Variants in MACROD2 observed in about 807,000 individuals in gnomAD.
MACROD2 encodes mono-ADP ribosylhydrolase 2, also known as ADP-ribose glycohydrolase MACROD2.
In MACROD2, 36 loss-of-function variants were observed where a neutral mutation model predicts 70.4. The ratio of observed to expected loss-of-function variants is 0.51; its 90% CI spans 0.39 to 0.68. MACROD2 has a LOEUF of 0.68. MACROD2 is among the 30% of genes least tolerant of loss of function. The pLI, the probability that MACROD2 is intolerant of heterozygous loss-of-function variation, is 0.00. For synonymous variants in MACROD2, 172 were observed against 178.8 expected, an observed-to-expected ratio of 0.96 and a Z score of 0.30; for missense variants, 496 against 538.4, an observed-to-expected ratio of 0.92 and a Z score of 0.78.
intron 7 of MACROD2, among the ~76,000 whole-genome samples, chr20:15,497,384 G>A (rs183526958): frequency 2.1e-4 from 32 of 151,676 alleles, no homozygotes; most frequent in East Asian, 5.8e-4. Flanking sequence ...CCTCTGCCTC[G>A]CAGGTTCAAG....
chr20:15,511,795 A>T (rs1172224558), intron 8 of MACROD2, among the ~76,000 whole-genome samples: 1 of 152,190 alleles, frequency 6.6e-6, no homozygotes, highest in Non-Finnish European at 1.5e-5. Context: ...ATTCTTGGAG[A>T]TGTGACAATC....
At chr20:15,579,435 A>G (rs966385431) in intron 8 of MACROD2, among the ~76,000 whole-genome samples, 3 of 152,192 alleles carry the variant, frequency 2.0e-5, no homozygotes, top group Non-Finnish European at 4.4e-5. Context: ...TAGGTATTTA[A>G]TTTACTTGTT....
chr20:15,649,108 C>A (rs2049601192), intron 8 of MACROD2, among the ~76,000 whole-genome samples: 1 of 105,622 alleles, frequency 9.5e-6, no homozygotes, highest in Non-Finnish European at 1.9e-5. Flanking sequence ...CTCCCCTCCC[C>A]TTCCCTCCCC....
rs574711300 is a variant in MACROD2, at chr20:15,972,745, G to T, written c.985+5115G>T. 3.1e-3 allele frequency among the ~76,000 whole-genome samples: 467 copies of T among 152,186 alleles called. 2 individuals carry two copies. The highest frequency in any genetic ancestry group is 5.2e-3 in the Non-Finnish European group (352 of 68,006). On this transcript the variant is annotated intron_variant, in intron 13 of 17. Coordinates refer to ENST00000684519, the MANE Select transcript of MACROD2 (RefSeq NM_001351661.2). ...GAATCACTTGAATCCAGGAGGCAGA[G>T]GTTGCAATGAGCCTCCTGAGCTGAG...
At chr20:15,016,371 C>A (rs1020583170) in intron 5 of MACROD2, among the ~76,000 whole-genome samples, 3 of 152,124 alleles carry the variant, frequency 2.0e-5, no homozygotes, top group African/African-American at 7.2e-5. Flanking sequence ...ACTCTCCTTT[C>A]CTGTTCTGAG....
At chr20:15,000,673 A>G (rs2074988220) in intron 5 of MACROD2, among the ~76,000 whole-genome samples, 1 of 149,882 alleles carries the variant, frequency 6.7e-6, no homozygotes, top group Middle Eastern at 3.5e-3. Flanking sequence ...AGGTAGAAAC[A>G]TGGAAATGTT....
chr20:15,216,391 T>C (rs2076810426), intron 5 of MACROD2, among the ~76,000 whole-genome samples: 1 of 151,778 alleles, frequency 6.6e-6, no homozygotes, highest in African/African-American at 2.4e-5. Context: ...CAAGGATAAA[T>C]AGGAAGTTGA....
intron 5 of MACROD2, among the ~76,000 whole-genome samples, chr20:14,869,240 TTGAA>T (rs2122415925): frequency 6.6e-6 from 1 of 152,280 alleles, no homozygotes; most frequent in East Asian, 1.9e-4. Flanking sequence ...AAAAAATAAT[TTGAA>T]TGGCAGTAAC....
chr20:14,355,928 G>A (rs1044615718), intron 3 of MACROD2, among the ~76,000 whole-genome samples: 8 of 152,102 alleles, frequency 5.3e-5, no homozygotes, highest in South Asian at 2.1e-4. Context: ...ATTTGGTAGT[G>A]TGTCTTTCCC....
chr20:14,088,550 GA>G (rs2054110961), intron 3 of MACROD2, among the ~76,000 whole-genome samples: 1 of 152,024 alleles, frequency 6.6e-6, no homozygotes, highest in African/African-American at 2.4e-5. Context: ...CTGTCCTGAG[GA>G]AGTACAATTG....
At chr20:14,383,181 T>C (rs6079411) in intron 3 of MACROD2, among the ~76,000 whole-genome samples, 46,460 of 152,094 alleles carry the variant, frequency 0.31, 7,262 homozygotes, top group Admixed American at 0.37. Flanking sequence ...TAAGTACCAA[T>C]TGAAGGGACC....
At chr20:14,104,406 G>A (rs527407842) in intron 3 of MACROD2, among the ~76,000 whole-genome samples, 1 of 152,198 alleles carries the variant, frequency 6.6e-6, no homozygotes, top group Non-Finnish European at 1.5e-5. Context: ...GATAGCCGAA[G>A]TTCAATGTCA....
intron 6 of MACROD2, among the ~76,000 whole-genome samples, chr20:15,284,077 T>C (rs2077470376): frequency 6.6e-6 from 1 of 152,158 alleles, no homozygotes; most frequent in African/African-American, 2.4e-5. Flanking sequence ...TAATATTAAA[T>C]TTCTTTTCCT....
chr20:15,844,670 A>C (rs984254945), intron 8 of MACROD2, among the ~76,000 whole-genome samples: 2 of 152,138 alleles, frequency 1.3e-5, no homozygotes, highest in African/African-American at 4.8e-5. Context: ...GGAAAACAAG[A>C]CAATTTCTGT....
intron 8 of MACROD2, among the ~76,000 whole-genome samples, chr20:15,815,542 G>A (rs1299766164): frequency 6.6e-6 from 1 of 152,082 alleles, no homozygotes; most frequent in African/African-American, 2.4e-5. Flanking sequence ...GACAAGAAAT[G>A]GGAGAGAATA....
intron 3 of MACROD2, among the ~76,000 whole-genome samples, chr20:14,482,018 T>G (rs1353944182): frequency 6.6e-6 from 1 of 152,200 alleles, no homozygotes; most frequent in African/African-American, 2.4e-5. Context: ...ACTGGCTTGG[T>G]GATTCAGAGC....
rs529617062 is a variant in MACROD2, at chr20:14,312,929, C to T, written c.272-180550C>T. 4.6e-5 allele frequency among the ~76,000 whole-genome samples: 7 copies of T among 152,324 alleles called. No individual in the cohort carries two copies. The East Asian group carries it at 7.7e-4, about 17-fold the overall frequency. On this transcript the variant is annotated intron_variant, in intron 3 of 17. Coordinates refer to ENST00000684519, the MANE Select transcript of MACROD2 (RefSeq NM_001351661.2). ...AGTGGCATGTTTGAAAACACTCATA[C>T]TTGTCATCCCTTCAGTATTTTATAT...
At chr20:15,974,302 T>C (rs902062145) in intron 13 of MACROD2, among the ~76,000 whole-genome samples, 1 of 151,962 alleles carries the variant, frequency 6.6e-6, no homozygotes, top group East Asian at 1.9e-4. Flanking sequence ...ACTATAAAAA[T>C]ACTAGAGTAA....
At chr20:14,225,173 G>A (rs2081720712) in intron 3 of MACROD2, among the ~76,000 whole-genome samples, 1 of 152,112 alleles carries the variant, frequency 6.6e-6, no homozygotes, top group Non-Finnish European at 1.5e-5. Context: ...TAATTGCAAG[G>A]TGAAAACAAA....
Sources: gnomAD v4.1 joint callset for allele counts (sites outside exome capture counted in the v4.1 genomes callset) on GRCh38, gnomAD v4.1.1 for gene constraint, MANE v1.5 for transcripts, NCBI Gene and HGNC (gene_info 2026-07-23, HGNC 2026-07-21) for gene names.